Variants in SLC35F4 observed in about 807,000 individuals in gnomAD.
The protein encoded by SLC35F4 is solute carrier family 35 member F4.
In SLC35F4, 24 loss-of-function variants were observed where a neutral mutation model predicts 44.2. The ratio of observed to expected loss-of-function variants is 0.54; its 90% confidence interval spans 0.39 to 0.76. SLC35F4 has a LOEUF of 0.76. Ranked by LOEUF, SLC35F4 falls within the 30% of genes least tolerant of loss-of-function variation. The pLI, the probability that SLC35F4 is intolerant of heterozygous loss-of-function variation, is 0.00. For missense variants in SLC35F4, 562 were observed against 586.1 expected (o/e 0.96, Z 0.42); for synonymous variants, 238 against 223.6 (o/e 1.06, Z -0.57).
chr14:57,941,671 A>C (rs1002611013), intron 1 of SLC35F4, among the ~76,000 whole-genome samples: 2 of 152,270 alleles, frequency 1.3e-5, no homozygotes, highest in Middle Eastern at 3.4e-3. Context: ...TTCACTTTAA[A>C]GTGATTAATT....
rs2074202140 is a variant in SLC35F4 at position 57,663,400 on chromosome 14, A to C, written c.104-69276T>G. Among the ~76,000 whole-genome samples, 2 of 152,176 alleles carry C rather than the reference A, an allele frequency of 1.3e-5. 1 individual carries two copies. The highest frequency in any genetic ancestry group is 4.2e-4 in the South Asian group (2 of 4,814). ...AGAGCCCAAGTTCAGATTGTTCAGG[A>C]GAGGGCCAGACAAGCACAGCACTGA... On this transcript the variant is annotated intron_variant, in intron 1 of 7. Coordinates refer to ENST00000556826, the MANE Select transcript of SLC35F4 (RefSeq NM_001306087.2).
chr14:57,691,615 A>C (rs1332363202), intron 1 of SLC35F4, among the ~76,000 whole-genome samples: 2 of 152,206 alleles, frequency 1.3e-5, no homozygotes, highest in Non-Finnish European at 2.9e-5. Context: ...GCAGCAAAAT[A>C]ATTTTTATGT....
chr14:57,830,700 G>A (rs1307128768), intron 1 of SLC35F4, among the ~76,000 whole-genome samples: 1 of 152,150 alleles, frequency 6.6e-6, no homozygotes, highest in African/African-American at 2.4e-5. Flanking sequence ...AATGGTATAT[G>A]CCTGATATAT....
At chr14:57,851,108 C>CA (rs899909440) in intron 1 of SLC35F4, among the ~76,000 whole-genome samples, 1 of 152,176 alleles carries the variant, frequency 6.6e-6, no homozygotes, top group African/African-American at 2.4e-5. Context: ...GTGTCATGCA[C>CA]ATTGTCATGC....
chr14:57,914,256 C>G (rs1464848646), intron 1 of SLC35F4, among the ~76,000 whole-genome samples: 1 of 152,166 alleles, frequency 6.6e-6, no homozygotes, highest in African/African-American at 2.4e-5. Context: ...GGGGGCCAAA[C>G]TTGCTTTTAT....
At chr14:57,921,672 G>A (rs1004319399) in intron 1 of SLC35F4, among the ~76,000 whole-genome samples, 5 of 152,098 alleles carry the variant, frequency 3.3e-5, no homozygotes, top group African/African-American at 9.7e-5. Flanking sequence ...TGGCCTGCTG[G>A]CAGCCATCTT....
intron 1 of SLC35F4, among the ~76,000 whole-genome samples, chr14:57,808,251 G>C (rs1020464716): frequency 4.6e-5 from 7 of 151,838 alleles, no homozygotes; most frequent in African/African-American, 1.7e-4. Context: ...TGAGAAAACT[G>C]ATGCATGGAA....
chr14:57,603,224 G>C (rs2070934433), intron 1 of SLC35F4, among the ~76,000 whole-genome samples: 1 of 152,166 alleles, frequency 6.6e-6, no homozygotes, highest in Non-Finnish European at 1.5e-5. Context: ...CTTTGTGTGT[G>C]ATAGTCCTGA....
At chr14:57,861,650 T>C (rs1887687201) in intron 1 of SLC35F4, among the ~76,000 whole-genome samples, 1 of 152,198 alleles carries the variant, frequency 6.6e-6, no homozygotes, top group African/African-American at 2.4e-5. Flanking sequence ...AGATCACCCA[T>C]GACCTTTAAT....
Position 57,742,805 on chromosome 14 carries a change from T to C in SLC35F4, c.103+122918A>G, listed in dbSNP as rs28789694. On this transcript the variant is annotated intron_variant, in intron 1 of 7. Transcript: ENST00000556826. Reference sequence around the variant, plus strand: ...GCACCACATCACACTTATTCCAAAATTGACCACATAGTTGGAAGTAAAGCA... The same window carrying C: ...GCACCACATCACACTTATTCCAAAACTGACCACATAGTTGGAAGTAAAGCA... Among the ~76,000 whole-genome samples the C allele has an allele frequency of 7.1e-3, 1,074 of 152,280 alleles. 14 individuals are homozygous for C. Among genetic ancestry groups the C allele is most frequent in the African/African-American group, 0.023 (962 of 41,550 alleles).
In SLC35F4 at chr14:57,925,640, G is replaced by A. The variant is rs545464764; in HGVS notation, n.282+56273C>T. 1.9e-4 allele frequency among the ~76,000 whole-genome samples: 24 copies of A among 125,742 alleles called. No homozygotes were observed. In the South Asian group the frequency reaches 6.1e-3, roughly 32 times the overall value. 82.5% of individuals were successfully genotyped at this position (125,742 alleles called of 152,430 possible). On this transcript the variant is annotated intron_variant and non_coding_transcript_variant, in intron 1 of 1. Transcript: ENST00000556568. ...AATGTTCTGAACTAAGCTTGAAGGAGCTTTTTTTTTTTTTAATAAAAATGG... is the reference window on the plus strand; with the variant it reads ...AATGTTCTGAACTAAGCTTGAAGGAACTTTTTTTTTTTTTAATAAAAATGG...
At chr14:57,648,810 CT>C (rs2073657803) in intron 1 of SLC35F4, among the ~76,000 whole-genome samples, 1 of 152,218 alleles carries the variant, frequency 6.6e-6, no homozygotes, top group Non-Finnish European at 1.5e-5. Flanking sequence ...CTCACATTAG[CT>C]GTCAGATAAA....
chr14:57,593,844 G>T, intron 2 of SLC35F4, 95 bp downstream of exon 2: 2 of 1,351,882 alleles, frequency 1.5e-6, no homozygotes, highest in Non-Finnish European at 2.0e-6. Context: ...ATAAGAGTCC[G>T]TGTAACATCT....
intron 3 of SLC35F4, among the ~76,000 whole-genome samples, chr14:57,588,869 A>G (rs2069968114): frequency 6.6e-6 from 1 of 152,170 alleles, no homozygotes; most frequent in African/African-American, 2.4e-5. Flanking sequence ...CTAGATTTAA[A>G]TCTTGGTTCT....
At chr14:57,871,254 G>A (rs900503670) in intron 1 of SLC35F4, among the ~76,000 whole-genome samples, 3 of 152,172 alleles carry the variant, frequency 2.0e-5, no homozygotes, top group Non-Finnish European at 4.4e-5. Flanking sequence ...GCAGTGCCCA[G>A]TGGACTGAAG....
intron 1 of SLC35F4, among the ~76,000 whole-genome samples, chr14:57,882,714 G>T (rs559406057): frequency 2.6e-5 from 4 of 152,214 alleles, no homozygotes; most frequent in Admixed American, 2.6e-4. Context: ...CCTGCCTTTG[G>T]GTAGTAAGCC....
intron 1 of SLC35F4, among the ~76,000 whole-genome samples, chr14:57,764,589 C>T (rs1371134645): frequency 6.6e-6 from 1 of 152,180 alleles, no homozygotes; most frequent in Non-Finnish European, 1.5e-5. Flanking sequence ...CTGGCTGCTA[C>T]TAAGCTCCAG....
chr14:57,900,600 G>A (rs1037399391), intron 1 of SLC35F4, among the ~76,000 whole-genome samples: 14 of 152,130 alleles, frequency 9.2e-5, no homozygotes, highest in African/African-American at 3.4e-4. Context: ...TAATGACAGA[G>A]AATGCCTAAC....
intron 1 of SLC35F4, among the ~76,000 whole-genome samples, chr14:57,806,486 G>A (rs1398446534): frequency 6.6e-6 from 1 of 152,072 alleles, no homozygotes; most frequent in African/African-American, 2.4e-5. Context: ...AAATAGACTG[G>A]CCTGCCTCAA....
Sources: allele counts gnomAD v4.1 joint callset (sites outside exome capture counted in the v4.1 genomes callset), GRCh38; gene constraint gnomAD v4.1.1; transcripts MANE v1.5; gene names NCBI Gene and HGNC (gene_info 2026-07-23, HGNC 2026-07-21).